Variants in ASPH observed in about 807,000 individuals in gnomAD.
ASPH encodes the protein aspartyl/asparaginyl beta-hydroxylase.
In ASPH, 100 loss-of-function variants were observed where a neutral mutation model predicts 118.4. The ratio of observed to expected loss-of-function variants is 0.84; its 90% CI spans 0.72 to 1.00. ASPH has a LOEUF of 1.00. Ranked by LOEUF, ASPH falls within the 50% of genes least tolerant of loss-of-function variation. The pLI, the probability that ASPH is intolerant of heterozygous loss-of-function variation, is 0.00. For synonymous variants in ASPH, 315 were observed against 325.6 expected (o/e 0.97, Z 0.35); for missense variants, 920 against 919.5 (o/e 1.00, Z -0.01).
intron 16 of ASPH, among the ~76,000 whole-genome samples, chr8:61,568,534 G>A (rs1832517139): frequency 6.6e-6 from 1 of 152,130 alleles, no homozygotes; most frequent in African/African-American, 2.4e-5. Context: ...AACCTAAAAT[G>A]TCTATAAGAT....
At position 61,517,649 on chromosome 8, in the gene ASPH, T is replaced by C. The variant is rs1225635348; in HGVS notation, c.2005A>G (p.Ile669Val). The change falls in exon 24 of 25, where the codon ATC becomes GTC. Residue 669 changes from isoleucine (I) to valine (V), a missense_variant. By Grantham distance (29) the Ile-to-Val change is conservative. Transcript: ENST00000379454. ...CACACGTGAGTCCCGGGGTGCATGA[T>C]GGAATATTTGATCTGCATAGAAAAC... ...GCRRGQIKYS[I>V]MHPGTHVWPH... 2 of 1,613,918 alleles carry C rather than the reference T, an allele frequency of 1.2e-6. No individual in the cohort carries two copies. The highest frequency in any genetic ancestry group is 1.1e-5 in the South Asian group (1 of 91,066).
rs191812998 is a variant in ASPH, at chr8:61,575,889, G to A, written c.1149+883C>T. 5.9e-5 allele frequency among the ~76,000 whole-genome samples: 9 copies of A among 152,226 alleles called. No homozygotes were observed. In the East Asian group the frequency reaches 1.5e-3, roughly 26 times the overall value. ...CCTATAGGCAAAAGGTACCACCTCT[G>A]TAGGCAAAAGGTACCACCGCTGTAG... On this transcript the variant is annotated intron_variant, in intron 16 of 24. Coordinates refer to ENST00000379454, the MANE Select transcript of ASPH (RefSeq NM_004318.4).
intron 17 of ASPH, among the ~76,000 whole-genome samples, chr8:61,566,691 C>T (rs117473324): frequency 3.3e-5 from 5 of 152,318 alleles, no homozygotes; most frequent in Non-Finnish European, 5.9e-5. Flanking sequence ...CTTCAGCAAC[C>T]ACCACCCTGA....
intron 1 of ASPH, among the ~76,000 whole-genome samples, chr8:61,687,062 G>C (rs182752038): frequency 6.6e-6 from 1 of 151,810 alleles, no homozygotes; most frequent in Non-Finnish European, 1.5e-5. Flanking sequence ...TTATACTCCA[G>C]CCTGGGCAAC....
At chr8:61,610,191 T>C (rs897818945) in intron 14 of ASPH, among the ~76,000 whole-genome samples, 2 of 152,202 alleles carry the variant, frequency 1.3e-5, no homozygotes, top group African/African-American at 4.8e-5. Context: ...TGGGCAGCAT[T>C]AGAATGGGAT....
chr8:61,563,971 C>T (rs6471958), intron 17 of ASPH, among the ~76,000 whole-genome samples: 122,987 of 152,106 alleles, frequency 0.81, 50,076 homozygotes, highest in Non-Finnish European at 0.85. Context: ...AGAGCCTCCT[C>T]GAGTGAACTT....
intron 16 of ASPH, among the ~76,000 whole-genome samples, chr8:61,574,072 T>A (rs1326902373): frequency 6.6e-6 from 1 of 152,178 alleles, no homozygotes; most frequent in Non-Finnish European, 1.5e-5. Flanking sequence ...AAGAAGACAT[T>A]TATGTGGCCA....
chr8:61,649,617 C>T (rs975451754), intron 5 of ASPH, among the ~76,000 whole-genome samples: 3 of 152,124 alleles, frequency 2.0e-5, no homozygotes, highest in African/African-American at 4.8e-5. Context: ...GAACACGGTG[C>T]TAGACTTGAC....
chr8:61,506,941 A>T (rs1281469441), intron 24 of ASPH, among the ~76,000 whole-genome samples: 1 of 152,202 alleles, frequency 6.6e-6, no homozygotes, highest in Non-Finnish European at 1.5e-5. Flanking sequence ...AGCAATGACA[A>T]GTGATTTTCA....
At chr8:61,641,358 T>C (rs758841743) in intron 10 of ASPH, among the ~76,000 whole-genome samples, 20 of 152,198 alleles carry the variant, frequency 1.3e-4, no homozygotes, top group Non-Finnish European at 2.4e-4. Flanking sequence ...TCAGTAGAAA[T>C]GAGGAAAATA....
chr8:61,661,867 A>T, intron 3 of ASPH: 1 of 426,020 alleles, frequency 2.3e-6, no homozygotes, highest in Non-Finnish European at 4.2e-6. Context: ...ATTTATGTCA[A>T]TTTCATCAGT....
intron 2 of ASPH, chr8:61,682,321 A>C (rs1008549903): frequency 3.8e-6 from 4 of 1,050,742 alleles, no homozygotes; most frequent in Non-Finnish European, 5.6e-6. Flanking sequence ...CAAACCCATA[A>C]TGGGAAATTG....
At position 61,642,546 on chromosome 8, in the gene ASPH, A is replaced by C. The variant is rs569784062; in HGVS notation, c.790+342T>G. ...TGTAGTCAAACTATAGGTATATTTT[A>C]AAACAAGAAGGTGGCTTAAGGTTAG... On this transcript the variant is annotated intron_variant, in intron 10 of 24. Coordinates refer to ENST00000379454, the MANE Select transcript of ASPH (RefSeq NM_004318.4). Among the ~76,000 whole-genome samples the C allele has an allele frequency of 9.8e-5, 15 of 152,346 alleles. No individual in the cohort carries two copies. In the South Asian group the frequency reaches 3.1e-3, roughly 32 times the overall value.
intron 14 of ASPH, among the ~76,000 whole-genome samples, chr8:61,605,176 C>T (rs1441552808): frequency 1.3e-5 from 2 of 152,194 alleles, no homozygotes; most frequent in Admixed American, 1.3e-4. Flanking sequence ...TTCTCTTGCA[C>T]TTAAAGACAT....
At chr8:61,646,428 T>G (rs1463831024) in intron 6 of ASPH, among the ~76,000 whole-genome samples, 1 of 152,178 alleles carries the variant, frequency 6.6e-6, no homozygotes, top group Non-Finnish European at 1.5e-5. Flanking sequence ...GATTATCAAG[T>G]CCAATATTTC....
chr8:61,511,190 A>G (rs1413463402), intron 24 of ASPH, among the ~76,000 whole-genome samples: 2 of 152,234 alleles, frequency 1.3e-5, no homozygotes, highest in Admixed American at 1.3e-4. Context: ...AATATATGTT[A>G]TAAAATACTT....
chr8:61,592,019 C>T (rs1170491316), intron 14 of ASPH, among the ~76,000 whole-genome samples: 3 of 152,344 alleles, frequency 2.0e-5, no homozygotes, highest in African/African-American at 7.2e-5. Flanking sequence ...AGCATTTAGA[C>T]ATTACACAGA....
chr8:61,710,521 G>A (rs1837814815), intron 1 of ASPH, among the ~76,000 whole-genome samples: 1 of 152,134 alleles, frequency 6.6e-6, no homozygotes, highest in Admixed American at 6.5e-5. Flanking sequence ...CACTTCCACA[G>A]ACCACCAGAG....
At chr8:61,653,804 T>A in intron 3 of ASPH, 144 bp from the exon 4 acceptor site, 1 of 821,480 alleles carries the variant, frequency 1.2e-6, no homozygotes, top group Non-Finnish European at 1.8e-6. Flanking sequence ...AAAAGTGAGG[T>A]AGGAAAACAG....
Sources: gnomAD v4.1 joint callset for allele counts (sites outside exome capture counted in the v4.1 genomes callset) on GRCh38, gnomAD v4.1.1 for gene constraint, MANE v1.5 for transcripts, NCBI Gene and HGNC (gene_info 2026-07-23, HGNC 2026-07-21) for gene names.